Variants in LRMDA observed in about 807,000 individuals in gnomAD.
The protein encoded by LRMDA is leucine rich melanocyte differentiation associated.
Under a neutral mutation model 29.8 loss-of-function variants are expected in LRMDA, and 18 were observed. That is an observed-to-expected ratio of 0.60 (90% CI 0.42 to 0.90). The LOEUF is 0.90. LRMDA is among the 40% of genes least tolerant of loss of function. The pLI is 0.00. For synonymous variants in LRMDA, 125 were observed against 109.4 expected (o/e 1.14, Z -0.89); for missense variants, 273 against 273.9 (o/e 1.00, Z 0.02).
chr10:76,382,091 G>A lies in LRMDA; in HGVS notation c.601+57606G>A, dbSNP rs115473417. ...GTGAAGACAGGAAAAAATGACCATA[G>A]TAACCCTGACTCCTGGGCTAAGATT... On this transcript the variant is annotated intron_variant, in intron 6 of 6. Coordinates refer to ENST00000611255, the MANE Select transcript of LRMDA (RefSeq NM_001305581.2). 3.1e-3 allele frequency among the ~76,000 whole-genome samples: 473 copies of A among 152,266 alleles called. 4 individuals carry two copies. The highest frequency in any genetic ancestry group is 0.011 in the African/African-American group (443 of 41,558).
chr10:76,076,608 A>G (rs1251728984), intron 5 of LRMDA, among the ~76,000 whole-genome samples: 1 of 152,064 alleles, frequency 6.6e-6, no homozygotes, highest in Non-Finnish European at 1.5e-5. Flanking sequence ...ATTCACTGAC[A>G]ATTCCAGAGA....
rs1353752275 is a variant in LRMDA at position 76,522,823 on chromosome 10, T to C, written c.602-34386T>C. 2.6e-5 allele frequency among the ~76,000 whole-genome samples: 4 copies of C among 152,186 alleles called. No individual in the cohort carries two copies. The South Asian group carries it at 8.3e-4, about 31-fold the overall frequency. On this transcript the variant is annotated intron_variant, in intron 6 of 6. Transcript: ENST00000611255. ...AGGGACAAGGATGGCTCCAGATGGA[T>C]GGATGCCTTTGTGGAGGGCTCCCTT... is the stretch of plus-strand genomic sequence containing the variant.
chr10:75,458,722 T>A (rs1423476057), intron 2 of LRMDA, among the ~76,000 whole-genome samples: 2 of 152,282 alleles, frequency 1.3e-5, no homozygotes, highest in African/African-American at 4.8e-5. Context: ...CCCAATTTGC[T>A]CTTCCACAGA....
chr10:75,928,068 ATCATCATCATCATC>A (rs1252723997), intron 2 of LRMDA, among the ~76,000 whole-genome samples: 1 of 108,226 alleles, frequency 9.2e-6, no homozygotes, highest in Admixed American at 8.8e-5. Flanking sequence ...CATCATCATC[ATCATCATCATCATC>A]TATTTTTAAA....
At chr10:76,257,340 T>TG (rs1294476957) in intron 5 of LRMDA, among the ~76,000 whole-genome samples, 1 of 150,972 alleles carries the variant, frequency 6.6e-6, no homozygotes, top group Non-Finnish European at 1.5e-5. Context: ...CTTTTTCTTT[T>TG]TTTTTTTTTT....
At chr10:76,135,121 T>C (rs1850069689) in intron 5 of LRMDA, among the ~76,000 whole-genome samples, 1 of 152,240 alleles carries the variant, frequency 6.6e-6, no homozygotes, top group African/African-American at 2.4e-5. Flanking sequence ...CAAATGTTTT[T>C]ATAAAAATTT....
chr10:76,523,801 C>T (rs530414002), intron 6 of LRMDA, among the ~76,000 whole-genome samples: 1 of 152,274 alleles, frequency 6.6e-6, no homozygotes, highest in African/African-American at 2.4e-5. Context: ...TTTGACGTTC[C>T]TTCCCTGCTG....
chr10:76,017,118 G>A (rs1847891612), intron 2 of LRMDA, among the ~76,000 whole-genome samples: 1 of 152,212 alleles, frequency 6.6e-6, no homozygotes, highest in African/African-American at 2.4e-5. Flanking sequence ...ATTTCAATAC[G>A]ACTGGTGTCC....
At chr10:75,530,739 CAA>C (rs1845467607) in intron 2 of LRMDA, among the ~76,000 whole-genome samples, 1 of 152,142 alleles carries the variant, frequency 6.6e-6, no homozygotes, top group African/African-American at 2.4e-5. Flanking sequence ...CCACTTGAAA[CAA>C]AGAGTTGACA....
rs147959909 is a variant in LRMDA at position 75,951,926 on chromosome 10, G to A, written c.132-84082G>A. Among the ~76,000 whole-genome samples, 13 of 152,298 alleles carry A rather than the reference G, an allele frequency of 8.5e-5. 1 individual carries two copies. In the South Asian group the frequency reaches 1.5e-3, roughly 17 times the overall value. ...GTCCTGGAGGGACTTTCTGGGGGAC[G>A]GAGGCCACGGTGGTGGCGGCCACTT... On this transcript the variant is annotated intron_variant, in intron 2 of 6. Coordinates refer to ENST00000611255, the MANE Select transcript of LRMDA (RefSeq NM_001305581.2).
chr10:76,379,653 C>CA lies in LRMDA; in HGVS notation c.601+55175dup, dbSNP rs908798825. On this transcript the variant is annotated intron_variant, in intron 6 of 6. Transcript: ENST00000611255. ...AGTTTATCAATTTTGTTTATCTTTT[C>CA]AAAAAAACGACTTTTTGTTTTATCG... Among the ~76,000 whole-genome samples the CA allele has an allele frequency of 3.3e-5, 5 of 151,756 alleles. No homozygotes were observed. The South Asian group carries it at 1.0e-3, about 32-fold the overall frequency.
At chr10:75,942,991 G>C (rs1268004776) in intron 2 of LRMDA, among the ~76,000 whole-genome samples, 1 of 152,018 alleles carries the variant, frequency 6.6e-6, no homozygotes, top group Non-Finnish European at 1.5e-5. Context: ...CATTTGGAGA[G>C]GCTTATATAA....
chr10:76,324,605 C>A, intron 6 of LRMDA, 120 bp downstream of exon 6: 1 of 825,378 alleles, frequency 1.2e-6, no homozygotes, highest in Non-Finnish European at 2.0e-6. Context: ...TTTTTAAGTC[C>A]TTGATGAGAA....
In LRMDA at chr10:76,527,908, T is replaced by C. The variant is rs1046479252; in HGVS notation, c.602-29301T>C. Among the ~76,000 whole-genome samples the C allele has an allele frequency of 2.6e-5, 4 of 152,150 alleles. No homozygotes were observed. The South Asian group carries it at 6.2e-4, about 24-fold the overall frequency. On this transcript the variant is annotated intron_variant, in intron 6 of 6. Coordinates refer to ENST00000611255, the MANE Select transcript of LRMDA (RefSeq NM_001305581.2). ...GCAATCCAGGGAGTGTGGTATATGT[T>C]GGAGATACAAAAATGCATAAAACAC...
At chr10:75,647,654 G>A (rs962736748) in intron 2 of LRMDA, 1 of 152,168 alleles carries the variant, frequency 6.6e-6, no homozygotes, top group African/African-American at 2.4e-5. Flanking sequence ...TCTTGGTCAA[G>A]ACTCTTAATT....
intron 6 of LRMDA, among the ~76,000 whole-genome samples, chr10:76,524,218 T>C (rs1843151034): frequency 6.6e-6 from 1 of 152,182 alleles, no homozygotes. Flanking sequence ...AATGTCAGCT[T>C]AACTTTGTGA....
intron 5 of LRMDA, among the ~76,000 whole-genome samples, chr10:76,280,556 G>GT (rs1308549873): frequency 6.6e-6 from 1 of 152,094 alleles, no homozygotes; most frequent in Non-Finnish European, 1.5e-5. Flanking sequence ...TTCAGCCCCT[G>GT]TTTGTTTGGG....
At position 76,462,892 on chromosome 10, in the gene LRMDA, C is replaced by G. The variant is rs76093311; in HGVS notation, c.602-94317C>G. On this transcript the variant is annotated intron_variant, in intron 6 of 6. Coordinates refer to ENST00000611255, the MANE Select transcript of LRMDA (RefSeq NM_001305581.2). ...AGCTGCTAAATCACTTCCCGCTGTT[C>G]CCCTGTGCAAATGCTGTGCTCAATA... Among the ~76,000 whole-genome samples the G allele has an allele frequency of 5.6e-3, 849 of 152,276 alleles. 21 individuals carry two copies. In the East Asian group the frequency reaches 0.056, roughly 10 times the overall value.
At chr10:75,730,133 T>C (rs1842678804) in intron 2 of LRMDA, among the ~76,000 whole-genome samples, 2 of 152,104 alleles carry the variant, frequency 1.3e-5, no homozygotes, top group African/African-American at 4.8e-5. Flanking sequence ...AGTTTAATGT[T>C]TCCTAGTGCC....
Sources: gnomAD v4.1 joint callset for allele counts (sites outside exome capture counted in the v4.1 genomes callset) on GRCh38, gnomAD v4.1.1 for gene constraint, MANE v1.5 for transcripts, NCBI Gene and HGNC (gene_info 2026-07-23, HGNC 2026-07-21) for gene names.